Variants in BICRA observed in about 807,000 individuals in gnomAD.
The protein encoded by BICRA is BRD4 interacting chromatin remodeling complex associated protein, also known as BRD4-interacting chromatin-remodeling complex-associated protein.
A neutral mutation model predicts 96.9 loss-of-function variants in BICRA; 31 were observed. The ratio of observed to expected loss-of-function variants is 0.32; its 90% CI spans 0.24 to 0.43. The LOEUF is 0.43. Among genes scored for constraint, BICRA ranks in the 20% least tolerant of loss-of-function variants. The pLI, the probability that BICRA is intolerant of heterozygous loss-of-function variation, is 1.00. For synonymous variants in BICRA, 1,350 were observed against 1,071.8 expected (o/e 1.26, Z -5.07); for missense variants, 2,283 against 2,190.3 (o/e 1.04, Z -0.84).
Position 47,694,134 on chromosome 19 carries a change from T to C in BICRA, c.2303T>C (p.Leu768Pro). 2.5e-6 allele frequency: 3 copies of C among 1,223,272 alleles called. No individual in the cohort carries two copies. Among genetic ancestry groups the C allele is most frequent in the Non-Finnish European group, 3.1e-6 (3 of 954,478 alleles). The allele number at this position is 1,223,272 out of a possible 1,614,324, so 75.8% of individuals were successfully genotyped here. The stretch of plus-strand genomic sequence containing the variant: ...GCCCAGATCCCGGCAGCGGCTCCGC[T>C]GAAGGGCCCAGGCCCCTCTTCGTCC... ...PAPQIPAAAP[L>P]KGPGPSSSPS... is the part of the protein sequence containing the mutation. The change falls in exon 8 of 15, where the codon CTG (leucine) becomes CCG (proline). Residue 768 changes from leucine to proline, a missense_variant. Coordinates refer to ENST00000594866, the MANE Select transcript of BICRA (RefSeq NM_001394372.1).
chr19:47,659,838 C>T (rs564274860), intron 1 of BICRA, among the ~76,000 whole-genome samples: 1 of 152,266 alleles, frequency 6.6e-6, no homozygotes, highest in East Asian at 1.9e-4. Flanking sequence ...CAGCCTTAGC[C>T]TCCCAGGCTC....
At position 47,653,706 on chromosome 19, in the gene BICRA, C is replaced by T. The variant is rs527682286; in HGVS notation, c.-107-16737C>T. Among the ~76,000 whole-genome samples the T allele has an allele frequency of 6.8e-4, 104 of 152,238 alleles. 1 individual carries two copies. Among genetic ancestry groups the T allele is most frequent in the Non-Finnish European group, 1.3e-3 (90 of 68,014 alleles). On this transcript the variant is annotated intron_variant, in intron 1 of 14. Transcript: ENST00000594866. Reference sequence around the variant, plus strand: ...TGCCAGTGTTCCTTCCTTCTTATGGCGGAGTAATAGTCTGTGATATGGATA... The same window carrying T: ...TGCCAGTGTTCCTTCCTTCTTATGGTGGAGTAATAGTCTGTGATATGGATA...
At chr19:47,693,972 G>C (rs1484151824) in intron 7 of BICRA, 143 bp from the exon 8 acceptor site, 1 of 962,784 alleles carries the variant, frequency 1.0e-6, no homozygotes, top group East Asian at 2.9e-5. Flanking sequence ...GGGCAGCCGT[G>C]GTGGGCTCCT....
At chr19:47,661,241 TAGTA>T (rs559499541) in intron 1 of BICRA, among the ~76,000 whole-genome samples, 9 of 132,234 alleles carry the variant, frequency 6.8e-5, no homozygotes, top group Admixed American at 3.9e-4. Flanking sequence ...ACGAAGTACT[TAGTA>T]AGCATTCAGC....
At chr19:47,655,109 C>T (rs1160545259) in intron 1 of BICRA, among the ~76,000 whole-genome samples, 1 of 152,196 alleles carries the variant, frequency 6.6e-6, no homozygotes, top group East Asian at 1.9e-4. Context: ...ACATCTCCAG[C>T]TGCAGTCAAG....
intron 1 of BICRA, among the ~76,000 whole-genome samples, chr19:47,653,762 A>G (rs1972574462): frequency 6.6e-6 from 1 of 152,108 alleles, no homozygotes; most frequent in Non-Finnish European, 1.5e-5. Context: ...TCATCCACGG[A>G]CGGGCATTTG....
chr19:47,680,345 A>C lies in BICRA; in HGVS notation c.1175A>C (p.Lys392Thr). 1 of 1,531,162 alleles carries C rather than the reference A, an allele frequency of 6.5e-7. No homozygotes were observed. The highest frequency in any genetic ancestry group is 1.2e-5 in the South Asian group (1 of 83,522). The allele number at this position is 1,531,162 out of a possible 1,614,324, so 94.8% of individuals were successfully genotyped here. Reference sequence around the variant, plus strand: ...CCGGGGGCGCTCCCGCAGCAGCCCAAGGCCCCGCAGAACCTGACGTTCATG... The same window carrying C: ...CCGGGGGCGCTCCCGCAGCAGCCCACGGCCCCGCAGAACCTGACGTTCATG... ...GEPGALPQQP[K>T]APQNLTFMAA... The change falls in exon 6 of 15, where the codon AAG becomes ACG. Residue 392 changes from lysine (K) to threonine (T), a missense_variant. Transcript: ENST00000594866.
At chr19:47,673,142 G>A (rs1972891185) in intron 2 of BICRA, among the ~76,000 whole-genome samples, 1 of 152,148 alleles carries the variant, frequency 6.6e-6, no homozygotes, top group Non-Finnish European at 1.5e-5. Flanking sequence ...GGGCTCAGGA[G>A]CCAGGCTTCC....
At chr19:47,630,023 C>A (rs1972198129) in intron 1 of BICRA, among the ~76,000 whole-genome samples, 1 of 152,072 alleles carries the variant, frequency 6.6e-6, no homozygotes, top group Non-Finnish European at 1.5e-5. Context: ...TATTGTGTAA[C>A]TGTCACCATT....
At position 47,681,292 on chromosome 19, in the gene BICRA, C is replaced by T. The variant is rs760954519; in HGVS notation, c.2106+16C>T. The stretch of plus-strand genomic sequence containing the variant: ...CCTGCCCCAGGTAAGCAGGGCGGGG[C>T]AAGGGAGCAGGTACCGGAGGAGGCG... On this transcript the variant is annotated intron_variant, in intron 6 of 14. Transcript: ENST00000594866. The T allele has an allele frequency of 6.8e-5, 105 of 1,540,908 alleles. No homozygotes were observed. In the Middle Eastern group the frequency reaches 1.0e-3, roughly 15 times the overall value.
chr19:47,651,110 C>T (rs985799708), intron 1 of BICRA, among the ~76,000 whole-genome samples: 2 of 152,172 alleles, frequency 1.3e-5, no homozygotes, highest in Non-Finnish European at 2.9e-5. Context: ...CGCCCCCTCT[C>T]TGTGCTTCCG....
At chr19:47,658,738 CAG>C (rs1277589658) in intron 1 of BICRA, among the ~76,000 whole-genome samples, 1 of 151,864 alleles carries the variant, frequency 6.6e-6, no homozygotes. Flanking sequence ...ATTAGAAATG[CAG>C]AGTCTCAGGC....
chr19:47,676,011 G>T (rs760428960), intron 5 of BICRA, 95 bp downstream of exon 5: 8 of 773,724 alleles, frequency 1.0e-5, no homozygotes, highest in Non-Finnish European at 1.7e-5. Context: ...GGCTCATCTC[G>T]TGAGGGCTGT....
In BICRA at chr19:47,675,352, A is replaced by G. The variant is rs1297646660; in HGVS notation, c.85-499A>G. 6.6e-6 allele frequency among the ~76,000 whole-genome samples: 1 copy of G among 152,214 alleles called. No individual in the cohort carries two copies. The highest frequency in any genetic ancestry group is 1.5e-5 in the Non-Finnish European group (1 of 68,036). ...ATGCCAGGGCCTGTTCTGGGCACTA[A>G]GGATGGTGCTAAGCATCTGAGAATG... On this transcript the variant is annotated intron_variant, in intron 4 of 14. Transcript: ENST00000594866. The surrounding 1 kb of genome is among the most constrained non-coding windows in gnomAD (Gnocchi z 4.7).
intron 1 of BICRA, among the ~76,000 whole-genome samples, chr19:47,620,179 C>G (rs2921551): frequency 1.3e-5 from 2 of 151,958 alleles, no homozygotes; most frequent in Non-Finnish European, 2.9e-5. Flanking sequence ...TCAAGCCTGG[C>G]TTTCTCATGA....
chr19:47,648,852 ATTT>A (rs1359940506), intron 1 of BICRA, among the ~76,000 whole-genome samples: 3 of 125,162 alleles, frequency 2.4e-5, no homozygotes, highest in African/African-American at 3.0e-5. Context: ...ACGCTGGGCT[ATTT>A]TTTTTTTTTT....
intron 1 of BICRA, among the ~76,000 whole-genome samples, chr19:47,635,585 G>A (rs754925626): frequency 7.2e-5 from 11 of 152,016 alleles, no homozygotes; most frequent in Non-Finnish European, 1.6e-4. Context: ...ACAGAAGCTC[G>A]ATACCTGTTG....
intron 2 of BICRA, among the ~76,000 whole-genome samples, chr19:47,673,325 T>C (rs563197858): frequency 5.9e-5 from 9 of 152,230 alleles, no homozygotes; most frequent in Admixed American, 1.3e-4. Context: ...TTGGTTGATA[T>C]CATCATTATC....
chr19:47,624,686 C>T (rs561214366), intron 1 of BICRA, among the ~76,000 whole-genome samples: 20 of 151,264 alleles, frequency 1.3e-4, no homozygotes, highest in African/African-American at 4.9e-4. Context: ...CCCACTGCCA[C>T]GCCCTGACTT....
Sources: gnomAD v4.1 joint callset for allele counts (sites outside exome capture counted in the v4.1 genomes callset) on GRCh38, gnomAD v4.1.1 for gene constraint, Gnocchi (gnomAD v3.1) non-coding constraint, MANE v1.5 for transcripts, NCBI Gene and HGNC (gene_info 2026-07-23, HGNC 2026-07-21) for gene names.